Variants in PTPRD observed in about 807,000 individuals in gnomAD.
PTPRD encodes receptor-type tyrosine-protein phosphatase delta.
In PTPRD, 34 loss-of-function variants were observed where a neutral mutation model predicts 214.5. The observed-to-expected ratio is 0.16, with a 90% CI of 0.12 to 0.21. The LOEUF (loss-of-function observed/expected upper bound fraction) is 0.21. Ranked by LOEUF, PTPRD falls within the 10% of genes least tolerant of loss-of-function variation. The pLI, the probability that PTPRD is intolerant of heterozygous loss-of-function variation, is 1.00. For synonymous variants in PTPRD, 1,128 were observed against 845.7 expected, an observed-to-expected ratio of 1.33 and a Z score of -5.79; for missense variants, 2,545 against 2,398.7, an observed-to-expected ratio of 1.06 and a Z score of -1.27.
intron 35 of PTPRD, among the ~76,000 whole-genome samples, chr9:8,418,873 T>C (rs1457208973): frequency 6.6e-6 from 1 of 152,008 alleles, no homozygotes; most frequent in Non-Finnish European, 1.5e-5. Flanking sequence ...AGAATAAAAA[T>C]ACCTTCTCAG....
chr9:10,434,058 T>C (rs574362182), intron 2 of PTPRD, among the ~76,000 whole-genome samples: 52 of 152,102 alleles, frequency 3.4e-4, no homozygotes, highest in African/African-American at 1.2e-3. Context: ...ATATTTTAAA[T>C]GTCATCATAG....
intron 8 of PTPRD, among the ~76,000 whole-genome samples, chr9:9,453,693 G>C (rs961607872): frequency 3.3e-5 from 5 of 151,712 alleles, no homozygotes; most frequent in South Asian, 2.1e-4. Flanking sequence ...TATCTTAACA[G>C]ATATAAGTAA....
intron 11 of PTPRD, among the ~76,000 whole-genome samples, chr9:8,936,633 A>G (rs758419080): frequency 1.4e-4 from 22 of 152,222 alleles, no homozygotes; most frequent in Non-Finnish European, 2.4e-4. Flanking sequence ...GAATAGAAAC[A>G]ATCACTACAT....
intron 10 of PTPRD, among the ~76,000 whole-genome samples, chr9:9,048,125 G>T (rs1029956796): frequency 2.6e-5 from 4 of 152,102 alleles, no homozygotes; most frequent in Admixed American, 6.6e-5. Flanking sequence ...TAGTTAGAAG[G>T]GCTGATATCC....
intron 7 of PTPRD, among the ~76,000 whole-genome samples, chr9:9,692,374 T>C (rs754381838): frequency 1.3e-5 from 2 of 152,070 alleles, no homozygotes; most frequent in Non-Finnish European, 2.9e-5. Context: ...CACCATTTAT[T>C]GAAGAGACTG....
intron 3 of PTPRD, among the ~76,000 whole-genome samples, chr9:10,162,458 T>A (rs909692674): frequency 1.9e-4 from 29 of 150,912 alleles, no homozygotes; most frequent in African/African-American, 5.6e-4. Flanking sequence ...AAGACATATA[T>A]CACATATTCT....
chr9:8,406,046 C>G (rs1451938991), intron 35 of PTPRD, among the ~76,000 whole-genome samples: 1 of 152,084 alleles, frequency 6.6e-6, no homozygotes, highest in East Asian at 1.9e-4. Flanking sequence ...AAACTGTTTT[C>G]CTTTCTTAGC....
At chr9:9,352,453 T>G (rs1002628820) in intron 9 of PTPRD, among the ~76,000 whole-genome samples, 1 of 151,606 alleles carries the variant, frequency 6.6e-6, no homozygotes, top group Non-Finnish European at 1.5e-5. Flanking sequence ...AAGGCAAATT[T>G]ATTTTTTCTC....
At chr9:9,167,056 A>G (rs955454355) in intron 10 of PTPRD, among the ~76,000 whole-genome samples, 3 of 152,208 alleles carry the variant, frequency 2.0e-5, no homozygotes, top group Non-Finnish European at 2.9e-5. Flanking sequence ...ACTAAAGCCC[A>G]GAGAGGTTAA....
chr9:9,731,968 A>T (rs2098202703), intron 7 of PTPRD, among the ~76,000 whole-genome samples: 2 of 152,158 alleles, frequency 1.3e-5, no homozygotes, highest in Admixed American at 1.3e-4. Context: ...GAACCTTAGA[A>T]CATATGACAG....
chr9:9,859,414 A>AC (rs1408500103), intron 5 of PTPRD, among the ~76,000 whole-genome samples: 2 of 152,202 alleles, frequency 1.3e-5, no homozygotes, highest in East Asian at 3.9e-4. Context: ...GCCTTGGTCA[A>AC]CCAATAATTT....
intron 3 of PTPRD, among the ~76,000 whole-genome samples, chr9:10,161,187 C>G (rs1345499514): frequency 6.6e-6 from 1 of 151,776 alleles, no homozygotes; most frequent in East Asian, 1.9e-4. Flanking sequence ...ACACCAATAA[C>G]ATTATTCACA....
intron 4 of PTPRD, among the ~76,000 whole-genome samples, chr9:9,985,649 C>A (rs2095684621): frequency 6.6e-6 from 1 of 151,932 alleles, no homozygotes; most frequent in Non-Finnish European, 1.5e-5. Context: ...TATAGATACA[C>A]CACCTTTCAT....
At chr9:9,079,450 T>A (rs985810415) in intron 10 of PTPRD, among the ~76,000 whole-genome samples, 3 of 152,160 alleles carry the variant, frequency 2.0e-5, no homozygotes, top group Admixed American at 6.6e-5. Flanking sequence ...CTATTGTGAA[T>A]AGAGCTGCAG....
intron 8 of PTPRD, among the ~76,000 whole-genome samples, chr9:9,449,982 T>C (rs887337493): frequency 1.3e-5 from 2 of 151,912 alleles, no homozygotes; most frequent in Non-Finnish European, 2.9e-5. Flanking sequence ...GAATGAACGA[T>C]ATTTGGTTTT....
chr9:10,050,038 T>G (rs1040603628), intron 3 of PTPRD, among the ~76,000 whole-genome samples: 1 of 152,174 alleles, frequency 6.6e-6, no homozygotes, highest in Admixed American at 6.6e-5. Flanking sequence ...TGAGATCTCA[T>G]CTGTTAGTGC....
intron 2 of PTPRD, among the ~76,000 whole-genome samples, chr9:10,591,623 G>T (rs2075465623): frequency 6.6e-6 from 1 of 151,972 alleles, no homozygotes; most frequent in African/African-American, 2.4e-5. Flanking sequence ...TTGAGGGAAG[G>T]ACTATTTACT....
intron 8 of PTPRD, among the ~76,000 whole-genome samples, chr9:9,519,614 CA>C (rs2096917689): frequency 6.6e-6 from 1 of 151,758 alleles, no homozygotes; most frequent in African/African-American, 2.4e-5. Flanking sequence ...GAACACAAAC[CA>C]AAATACCAAA....
chr9:10,360,991 A>C (rs1047856500), intron 2 of PTPRD, among the ~76,000 whole-genome samples: 1 of 151,964 alleles, frequency 6.6e-6, no homozygotes, highest in Non-Finnish European at 1.5e-5. Context: ...AGTCCCAGCT[A>C]CTCGGGAGGC....
Sources: allele counts gnomAD v4.1 joint callset (sites outside exome capture counted in the v4.1 genomes callset), GRCh38; gene constraint gnomAD v4.1.1; transcripts MANE v1.5; gene names NCBI Gene and HGNC (gene_info 2026-07-23, HGNC 2026-07-21).